NBAS: variants seen among roughly 807,000 people sequenced by gnomAD.
The protein encoded by NBAS is NAG/BC035112 fusion.
In NBAS, 219 loss-of-function variants were observed where a neutral mutation model predicts 302.5. That is an observed-to-expected ratio of 0.72 (90% CI 0.65 to 0.81). The LOEUF (loss-of-function observed/expected upper bound fraction) is 0.81, where lower values mean the gene tolerates loss of function less well. Among genes scored for constraint, NBAS ranks in the 30% least tolerant of loss-of-function variants. NBAS has a pLI of 0.00. For synonymous variants in NBAS, 1,118 were observed against 1,021.6 expected, an observed-to-expected ratio of 1.09 and a Z score of -1.80; for missense variants, 2,932 against 2,841.6, an observed-to-expected ratio of 1.03 and a Z score of -0.72.
At chr2:14,923,403 GA>G in the NBAS span, among the ~76,000 whole-genome samples, 2 of 152,128 alleles carry the variant, frequency 1.3e-5, no homozygotes, top group Non-Finnish European at 2.9e-5. Context: ...AAGCAAAGAG[GA>G]GCTAAATGTG....
intron 44 of NBAS, among the ~76,000 whole-genome samples, chr2:15,252,289 G>A (rs1668398921): frequency 6.6e-6 from 1 of 152,062 alleles, no homozygotes. Flanking sequence ...ACCTGAGGTT[G>A]GGAGCTCGAG....
intron 36 of NBAS, 119 bp downstream of exon 36, chr2:15,330,479 A>G (rs1246731464): frequency 3.8e-6 from 5 of 1,324,528 alleles, no homozygotes; most frequent in Non-Finnish European, 5.3e-6. Flanking sequence ...ACATTTCTTA[A>G]GAGATTGTTT....
intron 32 of NBAS, among the ~76,000 whole-genome samples, chr2:15,363,433 T>C (rs1033684150): frequency 2.0e-5 from 3 of 152,200 alleles, no homozygotes; most frequent in Admixed American, 6.5e-5. Context: ...ATCTGCTGAA[T>C]GTCTGTGAAA....
intron 23 of NBAS, among the ~76,000 whole-genome samples, chr2:15,420,936 A>G (rs1348533710): frequency 3.9e-5 from 6 of 152,300 alleles, no homozygotes; most frequent in South Asian, 2.1e-4. Flanking sequence ...ATGAAGTGAA[A>G]AAAGAAGAAA....
the NBAS span, among the ~76,000 whole-genome samples, chr2:14,912,516 G>T: frequency 6.6e-6 from 1 of 152,010 alleles, no homozygotes; most frequent in African/African-American, 2.4e-5. Flanking sequence ...CCACTGCCAT[G>T]CCAAATGACC....
At chr2:15,543,043 G>A (rs1196612060) in intron 6 of NBAS, among the ~76,000 whole-genome samples, 3 of 152,178 alleles carry the variant, frequency 2.0e-5, no homozygotes, top group Non-Finnish European at 4.4e-5. Flanking sequence ...GCTTGGGAAA[G>A]GAATGAACAG....
chr2:15,186,111 T>C (rs757110007), intron 50 of NBAS, among the ~76,000 whole-genome samples: 6 of 148,078 alleles, frequency 4.1e-5, no homozygotes, highest in South Asian at 2.1e-4. Flanking sequence ...CACACACACA[T>C]ATGTGTATGT....
At position 15,356,386 on chromosome 2, in the gene NBAS, A is replaced by G; in HGVS notation, c.3848T>C (p.Val1283Ala). The change falls in exon 33 of 52, where the codon GTT becomes GCT. Residue 1283 changes from valine (V) to alanine (A), a missense_variant. By Grantham distance (64) the Val-to-Ala change is moderately conservative (BLOSUM62 0). Transcript: ENST00000281513. ...TGCCTGCTCCACTAAAAGGATTAGA[A>G]CCTGTCCCCGCCTTTCTTCTGGGTT... ...GENPEERRGQ[V>A]LILLVEQALR... 1 of 1,613,862 alleles carries G rather than the reference A, an allele frequency of 6.2e-7. No individual in the cohort carries two copies. The highest frequency in any genetic ancestry group is 8.5e-7 in the Non-Finnish European group (1 of 1,179,802).
chr2:14,927,287 C>G, the NBAS span, among the ~76,000 whole-genome samples: 1 of 152,234 alleles, frequency 6.6e-6, no homozygotes, highest in Non-Finnish European at 1.5e-5. Context: ...TTCCATTTCT[C>G]TGGAGAATCC....
the NBAS span, among the ~76,000 whole-genome samples, chr2:14,901,560 G>A: frequency 6.6e-5 from 10 of 151,798 alleles, no homozygotes; most frequent in Non-Finnish European, 1.3e-4. Flanking sequence ...AATAAATGAC[G>A]AGGAAAAGAG....
the NBAS span, among the ~76,000 whole-genome samples, chr2:15,034,556 A>C: frequency 6.6e-6 from 1 of 152,170 alleles, no homozygotes; most frequent in Admixed American, 6.5e-5. Context: ...CCTTGACAAA[A>C]AGCAAAGAAA....
chr2:14,975,486 G>C, the NBAS span, among the ~76,000 whole-genome samples: 1 of 152,146 alleles, frequency 6.6e-6, no homozygotes, highest in Admixed American at 6.5e-5. Flanking sequence ...TTATTCACAT[G>C]ACAGCTCATC....
rs1671120763 is a variant in NBAS at position 15,308,308 on chromosome 2, A to C, written c.4705T>G (p.Leu1569Val). 5 of 1,614,228 alleles carry C rather than the reference A, an allele frequency of 3.1e-6. No homozygotes were observed. Among genetic ancestry groups the C allele is most frequent in the Non-Finnish European group, 4.2e-6 (5 of 1,180,036 alleles). Residue 1569 changes from leucine to valine, a missense_variant, in exon 40 of 52, where the codon TTA (leucine) becomes GTA (valine). Physicochemically the swap from Leu to Val is conservative, Grantham distance 32. Coordinates refer to ENST00000281513, the MANE Select transcript of NBAS (RefSeq NM_015909.4). ...TAATACGCTGCCAGCTGGAGAGATA[A>C]TGCAGAGGGGGACTGCTTTTCAAAG... ...RCFEKQSPSA[L>V]SLQLAAYYYS...
chr2:15,034,046 G>GAGGAGGAGGAGGAGA, the NBAS span, among the ~76,000 whole-genome samples: 1 of 83,454 alleles, frequency 1.2e-5, no homozygotes, highest in Non-Finnish European at 2.3e-5. Flanking sequence ...GAAGGAGGAG[G>GAGGAGGAGGAGGAGA]AGGAGGAGGA....
intron 42 of NBAS, among the ~76,000 whole-genome samples, chr2:15,283,235 C>T (rs1221688133): frequency 6.6e-6 from 1 of 152,052 alleles, no homozygotes. Context: ...ACCCTGTGTC[C>T]AAAACTGAAA....
chr2:15,297,607 T>C (rs1416368763), intron 40 of NBAS, among the ~76,000 whole-genome samples: 1 of 152,212 alleles, frequency 6.6e-6, no homozygotes, highest in Non-Finnish European at 1.5e-5. Flanking sequence ...ATTGCCAAGT[T>C]TTCTGAGGCC....
the NBAS span, among the ~76,000 whole-genome samples, chr2:14,934,219 A>G: frequency 1.3e-4 from 20 of 152,330 alleles, no homozygotes; most frequent in African/African-American, 4.8e-4. Context: ...CCTAAAAGCA[A>G]TCACTATTAA....
intron 44 of NBAS, among the ~76,000 whole-genome samples, chr2:15,272,623 AT>A (rs1467246434): frequency 1.3e-5 from 2 of 152,218 alleles, no homozygotes; most frequent in Non-Finnish European, 2.9e-5. Flanking sequence ...TAAATTTTAA[AT>A]GTATCTGTCT....
chr2:14,997,771 T>G, the NBAS span, among the ~76,000 whole-genome samples: 1 of 152,130 alleles, frequency 6.6e-6, no homozygotes, highest in Non-Finnish European at 1.5e-5. Flanking sequence ...ATCTCCTCAT[T>G]TCCCCCAATC....
Sources: allele counts gnomAD v4.1 joint callset (sites outside exome capture counted in the v4.1 genomes callset), GRCh38; gene constraint gnomAD v4.1.1; transcripts MANE v1.5; gene names NCBI Gene and HGNC (gene_info 2026-07-23, HGNC 2026-07-21).